NBPF14: variants seen among roughly 807,000 people sequenced by gnomAD.
NBPF14 encodes NBPF family member NBPF14.
NBPF14 carries 104 observed loss-of-function variants against 91.2 expected under a neutral mutation model. The observed-to-expected ratio is 1.14, with a 90% confidence interval of 0.97 to 1.34. The LOEUF (loss-of-function observed/expected upper bound fraction) is 1.34, where lower values mean the gene tolerates loss of function less well. NBPF14 is among the 40% of genes most tolerant of loss of function. The pLI, the probability that NBPF14 is intolerant of heterozygous loss-of-function variation, is 0.00. For missense variants in NBPF14, 908 were observed against 783.0 expected, an observed-to-expected ratio of 1.16 and a Z score of -1.91; for synonymous variants, 294 against 303.8, an observed-to-expected ratio of 0.97 and a Z score of 0.34.
In NBPF14 at chr1:148,590,040, CTTTTTTT is replaced by C. The variant is rs1196401979; in HGVS notation, c.779-654_779-648del. Among the ~76,000 whole-genome samples the C allele has an allele frequency of 6.9e-4, 53 of 76,324 alleles. No individual in the cohort carries two copies. The East Asian group carries it at 0.01, about 15-fold the overall frequency. The allele number at this position is 76,324 out of a possible 152,430, so 50.1% of individuals were successfully genotyped here. ...GCCAGCGCCCCTGGTCAGAGACTTA[CTTTTTTT>C]TTTTTTTTTTTTTTTTTTTGAGATG... On this transcript the variant is annotated intron_variant, in intron 6 of 70. Coordinates refer to ENST00000619423, the Ensembl canonical transcript of NBPF14.
Position 148,559,227 on chromosome 1 carries a change from C to T in NBPF14, c.4730-155G>A, listed in dbSNP as rs1366466508. 2.6e-5 allele frequency among the ~76,000 whole-genome samples: 3 copies of T among 116,236 alleles called. 1 individual carries two copies. The highest frequency in any genetic ancestry group is 6.4e-4 in the South Asian group (2 of 3,126). 76.3% of individuals were successfully genotyped at this position (116,236 alleles called of 152,430 possible). ...GTCTTCAGGAGGCCTGAAGGCTGAT[C>T]ACCATAGAGATTCCTTGGTTTTTGT... is the stretch of plus-strand genomic sequence containing the variant. On this transcript the variant is annotated intron_variant, in intron 37 of 70. Coordinates refer to ENST00000619423, the Ensembl canonical transcript of NBPF14.
In NBPF14 at chr1:148,587,197, C is replaced by T. The variant is rs1459891172; in HGVS notation, c.1091+104G>A. Reference sequence around the variant, plus strand: ...AGCGAGCCTGCCATGGCAATTCCTGCCCTTCCCCTGGCCCAGCTGAGCTCT... The same window carrying T: ...AGCGAGCCTGCCATGGCAATTCCTGTCCTTCCCCTGGCCCAGCTGAGCTCT... On this transcript the variant is annotated intron_variant, in intron 8 of 70. Transcript: ENST00000619423. 7.0e-5 allele frequency: 68 copies of T among 977,320 alleles called. 6 individuals are homozygous for T. Among genetic ancestry groups the T allele is most frequent in the Non-Finnish European group, 1.0e-4 (65 of 619,116 alleles). 60.5% of individuals were successfully genotyped at this position (977,320 alleles called of 1,614,324 possible).
In NBPF14 at chr1:148,559,826, G is replaced by A. The variant is rs1657395612; in HGVS notation, c.4696C>T (p.Gln1566Ter). The A allele has an allele frequency of 2.6e-6, 4 of 1,534,650 alleles. No individual in the cohort carries two copies. Among genetic ancestry groups the A allele is most frequent in the Non-Finnish European group, 3.5e-6 (4 of 1,147,280 alleles). ...TCAACAGCCAAGCCAACACGCTGCT[G>A]CTCCAATATGTAAAAGGCACTTCTA... Residue 1566 changes from glutamine (Q) to a stop codon, truncating the protein, a stop_gained, in exon 37 of 71, where the codon CAG becomes TAG. Coordinates refer to ENST00000619423, the Ensembl canonical transcript of NBPF14. LOFTEE classifies it high-confidence loss of function.
At chr1:148,585,347 T>A (rs1661337071) in intron 9 of NBPF14, 134 bp from the exon 10 acceptor site, 9 of 635,720 alleles carry the variant, frequency 1.4e-5, no homozygotes, top group Admixed American at 1.1e-4. Flanking sequence ...TGTTTTATCT[T>A]TAACAGAATG....
In NBPF14 at chr1:148,559,781, A is replaced by T; in HGVS notation, c.4729+12T>A. On this transcript the variant is annotated intron_variant, in intron 37 of 70. Transcript: ENST00000619423. ...CAGTGGATCCTTATCACCTTCATAG[A>T]AAGGTACTCACCATCCATGTCAACA... 2 of 1,450,314 alleles carry T rather than the reference A, an allele frequency of 1.4e-6. No homozygotes were observed. The highest frequency in any genetic ancestry group is 1.9e-6 in the Non-Finnish European group (2 of 1,073,400). 89.8% of individuals were successfully genotyped at this position (1,450,314 alleles called of 1,614,324 possible). A position where few individuals can be genotyped will look rare whatever the true frequency, so the allele number is the denominator to read the frequency against.
chr1:148,587,461 T>G (rs1362672372), intron 7 of NBPF14, 58 bp from the exon 8 acceptor site: 1 of 1,496,072 alleles, frequency 6.7e-7, no homozygotes, highest in East Asian at 2.2e-5. Context: ...GCTGTGGTCA[T>G]TGCCTACAGG....
intron 12 of NBPF14, among the ~76,000 whole-genome samples, chr1:148,579,933 C>G (rs1475081608): frequency 6.6e-6 from 1 of 152,066 alleles, no homozygotes; most frequent in Non-Finnish European, 1.5e-5. Flanking sequence ...ACCCCAAAAC[C>G]CCATCTGTAG....
exon 37 of NBPF14, chr1:148,559,815 A>T: frequency 1.3e-6 from 2 of 1,532,994 alleles, no homozygotes; most frequent in Non-Finnish European, 8.7e-7. Context: ...CAGCCAAGCC[A>T]ACACGCTGCT....
At chr1:148,581,458 GTT>G (rs1660922361) in intron 12 of NBPF14, among the ~76,000 whole-genome samples, 1 of 150,850 alleles carries the variant, frequency 6.6e-6, no homozygotes, top group African/African-American at 2.5e-5. Flanking sequence ...CGTTGAACTA[GTT>G]TACAGTCCCA....
In NBPF14 at chr1:148,557,934, A is replaced by G. The variant is rs1183286524; in HGVS notation, c.4954+318T>C. On this transcript the variant is annotated intron_variant, in intron 39 of 70. Transcript: ENST00000619423. ...AATTTTAGACACTGAAATTAGAATG[A>G]AGGAGGAAATCTACAAACCCTTGAG... Among the ~76,000 whole-genome samples the G allele has an allele frequency of 7.3e-5, 4 of 54,762 alleles. 1 individual carries two copies. Among genetic ancestry groups the G allele is most frequent in the Non-Finnish European group, 1.2e-4 (4 of 32,066 alleles). 35.9% of individuals were successfully genotyped at this position (54,762 alleles called of 152,430 possible).
At chr1:148,566,195 A>G (rs1183573611) in exon 29 of NBPF14, 1 of 560,610 alleles carries the variant, frequency 1.8e-6, no homozygotes, top group Admixed American at 3.0e-5. Context: ...CATAAAAGGA[A>G]CTTCCATAGG....
Position 148,593,450 on chromosome 1 carries a change from C to G in NBPF14, c.278+148G>C. Reference sequence around the variant, plus strand: ...GAGAACTTATTATTATCCTTGTTCTCTGATAAATATTTTTGTGTCATGAGC... The same window carrying G: ...GAGAACTTATTATTATCCTTGTTCTGTGATAAATATTTTTGTGTCATGAGC... On this transcript the variant is annotated intron_variant, in intron 3 of 70. Coordinates refer to ENST00000619423, the Ensembl canonical transcript of NBPF14. 4.7e-6 allele frequency: 3 copies of G among 635,538 alleles called. No homozygotes were observed. In the South Asian group the frequency reaches 5.7e-5, roughly 12 times the overall value. 39.4% of individuals were successfully genotyped at this position (635,538 alleles called of 1,614,324 possible).
At chr1:148,566,381 G>A in intron 28 of NBPF14, 66 bp from the exon 29 acceptor site, 1 of 733,630 alleles carries the variant, frequency 1.4e-6, no homozygotes, top group South Asian at 1.4e-5. Context: ...CCTCAACTAG[G>A]TTTCATGGGT....
exon 69 of NBPF14, chr1:148,534,808 G>T (rs1439301755): frequency 7.8e-5 from 81 of 1,038,398 alleles, no homozygotes; most frequent in Admixed American, 2.9e-4. Context: ...TATCCAGTGA[G>T]TCCTGCAAGA....
chr1:148,566,104 C>T (rs1322972591), intron 29 of NBPF14, 39 bp downstream of exon 29: 1 of 442,404 alleles, frequency 2.3e-6, no homozygotes, highest in South Asian at 2.2e-5. Flanking sequence ...ATATGGAAGA[C>T]TCAGTGGATC....
chr1:148,560,105 T>A (rs1230174066), intron 36 of NBPF14, 140 bp from the exon 37 acceptor site: 1 of 666,966 alleles, frequency 1.5e-6, no homozygotes, highest in Non-Finnish European at 2.7e-6. Context: ...AATTATTGCC[T>A]TTATGTTGGG....
intron 14 of NBPF14, among the ~76,000 whole-genome samples, chr1:148,577,667 C>G (rs1441820270): frequency 6.7e-6 from 1 of 148,390 alleles, no homozygotes; most frequent in Non-Finnish European, 1.5e-5. Context: ...GCTCTCAGGA[C>G]ACACAGTGAA....
intron 28 of NBPF14, among the ~76,000 whole-genome samples, 177 bp from the exon 29 acceptor site, chr1:148,566,492 A>G (rs1423694567): frequency 7.6e-6 from 1 of 132,366 alleles, no homozygotes; most frequent in East Asian, 2.6e-4. Flanking sequence ...ATGGAAAAGA[A>G]TGAAAGAGAA....
intron 67 of NBPF14, 65 bp from the exon 68 acceptor site, chr1:148,535,569 T>G (rs1654982127): frequency 1.1e-5 from 3 of 272,876 alleles, no homozygotes; most frequent in South Asian, 6.8e-5. Flanking sequence ...AACAATCCAC[T>G]GTCTAATCCT....
Sources: allele counts gnomAD v4.1 joint callset (sites outside exome capture counted in the v4.1 genomes callset), GRCh38; gene constraint gnomAD v4.1.1; transcripts MANE v1.5; gene names NCBI Gene and HGNC (gene_info 2026-07-23, HGNC 2026-07-21).